Variants in SPAG16 observed in about 807,000 individuals in gnomAD.
SPAG16 encodes the protein sperm-associated antigen 16 protein.
In SPAG16, 86 loss-of-function variants were observed where a neutral mutation model predicts 80.4. The ratio of observed to expected loss-of-function variants is 1.07; its 90% CI spans 0.90 to 1.28. The LOEUF is 1.28. SPAG16 is among the 50% of genes most tolerant of loss of function. SPAG16 has a pLI of 0.00. For synonymous variants in SPAG16, 294 were observed against 265.9 expected (o/e 1.11, Z -1.03); for missense variants, 870 against 765.3 (o/e 1.14, Z -1.61).
chr2:214,080,908 C>T (rs2125262100), intron 13 of SPAG16, among the ~76,000 whole-genome samples: 1 of 151,806 alleles, frequency 6.6e-6, no homozygotes, highest in Non-Finnish European at 1.5e-5. Flanking sequence ...AGAGTCAGCC[C>T]CAGAGTTTTC....
chr2:213,808,993 T>A (rs1367992618), intron 10 of SPAG16, among the ~76,000 whole-genome samples: 1 of 152,116 alleles, frequency 6.6e-6, no homozygotes, highest in African/African-American at 2.4e-5. Flanking sequence ...ATGACTGGGA[T>A]CAGCAAGACA....
intron 9 of SPAG16, among the ~76,000 whole-genome samples, chr2:213,481,910 T>C (rs1040540787): frequency 2.6e-5 from 4 of 152,184 alleles, no homozygotes; most frequent in Non-Finnish European, 4.4e-5. Flanking sequence ...GTGATTTTTG[T>C]AAATGAAGGA....
chr2:214,177,133 A>C (rs1257559313), intron 15 of SPAG16, among the ~76,000 whole-genome samples: 2 of 151,190 alleles, frequency 1.3e-5, no homozygotes, highest in African/African-American at 4.8e-5. Flanking sequence ...TTATATGAAA[A>C]CTAAAACCAT....
At chr2:214,284,287 G>T (rs1433016619) in intron 15 of SPAG16, among the ~76,000 whole-genome samples, 5 of 152,086 alleles carry the variant, frequency 3.3e-5, no homozygotes, top group Admixed American at 3.3e-4. Context: ...TTGATAAATT[G>T]TATCAGCTCT....
At chr2:214,338,342 C>T (rs952352677) in intron 15 of SPAG16, among the ~76,000 whole-genome samples, 6 of 151,834 alleles carry the variant, frequency 4.0e-5, no homozygotes, top group South Asian at 2.1e-4. Flanking sequence ...GGTGAAACCC[C>T]GTCTCTCCTA....
chr2:214,026,668 A>G (rs1263251091), intron 13 of SPAG16, among the ~76,000 whole-genome samples: 2 of 151,490 alleles, frequency 1.3e-5, no homozygotes, highest in African/African-American at 4.8e-5. Context: ...GATAATAGCA[A>G]TTGATAAATA....
intron 6 of SPAG16, among the ~76,000 whole-genome samples, chr2:213,344,502 T>C (rs2064864058): frequency 6.6e-6 from 1 of 152,124 alleles, no homozygotes; most frequent in Admixed American, 6.6e-5. Flanking sequence ...TAACATTAGG[T>C]ATATCTCCTA....
intron 10 of SPAG16, among the ~76,000 whole-genome samples, chr2:213,807,437 A>G (rs955297354): frequency 8.6e-5 from 13 of 151,840 alleles, no homozygotes; most frequent in African/African-American, 2.7e-4. Context: ...ATCCCAGCCC[A>G]CTTCTCTCTA....
intron 15 of SPAG16, among the ~76,000 whole-genome samples, chr2:214,297,048 C>CGGTT (rs1352810649): frequency 6.6e-6 from 1 of 152,126 alleles, no homozygotes; most frequent in Non-Finnish European, 1.5e-5. Context: ...TCATGTATAC[C>CGGTT]CAGCAGAACC....
chr2:214,310,247 A>G (rs535359916), intron 15 of SPAG16, among the ~76,000 whole-genome samples: 2 of 151,634 alleles, frequency 1.3e-5, no homozygotes, highest in East Asian at 3.9e-4. Context: ...ACTGTAGTAC[A>G]TATTTTGTAT....
chr2:213,346,006 C>T (rs1394202014), intron 6 of SPAG16, among the ~76,000 whole-genome samples: 1 of 152,074 alleles, frequency 6.6e-6, no homozygotes, highest in African/African-American at 2.4e-5. Context: ...ATTCTTCCTA[C>T]CCATGAGCAT....
At chr2:213,494,991 G>A (rs1159942261) in intron 10 of SPAG16, among the ~76,000 whole-genome samples, 1 of 152,196 alleles carries the variant, frequency 6.6e-6, no homozygotes, top group African/African-American at 2.4e-5. Flanking sequence ...CAGAGAGGCA[G>A]TGCCTGAAAA....
chr2:213,991,142 A>G (rs551039274), intron 12 of SPAG16, among the ~76,000 whole-genome samples: 1 of 151,884 alleles, frequency 6.6e-6, no homozygotes, highest in African/African-American at 2.4e-5. Flanking sequence ...TCCTAATGCT[A>G]TCTCTCCCCT....
chr2:214,230,867 A>G (rs1207021537), intron 15 of SPAG16, among the ~76,000 whole-genome samples: 2 of 152,114 alleles, frequency 1.3e-5, no homozygotes, highest in African/African-American at 2.4e-5. Flanking sequence ...AATTTTACAA[A>G]GAATATTTTG....
intron 15 of SPAG16, among the ~76,000 whole-genome samples, chr2:214,251,186 T>C (rs1388306203): frequency 6.6e-6 from 1 of 151,694 alleles, no homozygotes; most frequent in African/African-American, 2.4e-5. Context: ...TGAATATATT[T>C]TCACACACAC....
At chr2:213,599,390 G>C (rs988178187) in intron 10 of SPAG16, among the ~76,000 whole-genome samples, 6 of 152,102 alleles carry the variant, frequency 3.9e-5, no homozygotes, top group Non-Finnish European at 7.3e-5. Flanking sequence ...ACTTATACTT[G>C]GACCTTCTTC....
chr2:214,399,028 T>C (rs746469414), intron 15 of SPAG16, among the ~76,000 whole-genome samples: 1 of 152,218 alleles, frequency 6.6e-6, no homozygotes, highest in Non-Finnish European at 1.5e-5. Context: ...GTTCTATCTT[T>C]TATTATCAAG....
intron 10 of SPAG16, among the ~76,000 whole-genome samples, chr2:213,798,407 C>A (rs1229349714): frequency 6.7e-6 from 1 of 149,946 alleles, no homozygotes; most frequent in Admixed American, 6.8e-5. Flanking sequence ...GTGCCCATCA[C>A]CACACCTGGC....
chr2:213,501,121 A>G (rs1327009630), intron 10 of SPAG16, among the ~76,000 whole-genome samples: 1 of 152,196 alleles, frequency 6.6e-6, no homozygotes, highest in Non-Finnish European at 1.5e-5. Flanking sequence ...ATGGCCATGG[A>G]CTGCACATTC....
Sources: gnomAD v4.1 joint callset for allele counts (sites outside exome capture counted in the v4.1 genomes callset) on GRCh38, gnomAD v4.1.1 for gene constraint, MANE v1.5 for transcripts, NCBI Gene and HGNC (gene_info 2026-07-23, HGNC 2026-07-21) for gene names.